The following GHR variants were observed in gnomAD, a reference collection of about 807,000 sequenced individuals.
GHR encodes the protein growth hormone receptor, also known as GH receptor.
Under a neutral mutation model 67.1 loss-of-function variants are expected in GHR, and 35 were observed. The ratio of observed to expected loss-of-function variants is 0.52; its 90% CI spans 0.40 to 0.69. The LOEUF is 0.69. Among genes scored for constraint, GHR ranks in the 30% least tolerant of loss-of-function variants. The probability of loss-of-function intolerance (pLI) is 0.00; values close to 1 mark genes in which losing one functional copy is unlikely to be tolerated. For synonymous variants in GHR, 272 were observed against 269.1 expected (o/e 1.01, Z -0.10); for missense variants, 792 against 764.6 (o/e 1.04, Z -0.42).
chr5:42,444,854 A>G (rs751791548), intron 1 of GHR, among the ~76,000 whole-genome samples: 20 of 152,006 alleles, frequency 1.3e-4, no homozygotes, highest in Non-Finnish European at 2.5e-4. Context: ...TCCAGCTACA[A>G]ATTCCTCTTT....
intron 1 of GHR, among the ~76,000 whole-genome samples, chr5:42,440,311 G>T (rs1381444883): frequency 6.6e-6 from 1 of 152,116 alleles, no homozygotes; most frequent in Non-Finnish European, 1.5e-5. Flanking sequence ...ACTCAGGTTG[G>T]TATATTTGAT....
intron 1 of GHR, among the ~76,000 whole-genome samples, chr5:42,461,739 A>G (rs1275850351): frequency 6.6e-6 from 1 of 152,226 alleles, no homozygotes; most frequent in Non-Finnish European, 1.5e-5. Flanking sequence ...CCTCCAGCAC[A>G]GAATGTCTCT....
At chr5:42,585,882 G>C (rs1421029157) in intron 2 of GHR, among the ~76,000 whole-genome samples, 1 of 152,130 alleles carries the variant, frequency 6.6e-6, no homozygotes, top group Non-Finnish European at 1.5e-5. Context: ...TAAAGCTGAA[G>C]GCAGTTAAGA....
At chr5:42,462,431 TG>T (rs1312233933) in intron 1 of GHR, among the ~76,000 whole-genome samples, 1 of 152,226 alleles carries the variant, frequency 6.6e-6, no homozygotes, top group Non-Finnish European at 1.5e-5. Flanking sequence ...CAAAAAGAGT[TG>T]CAAGGGGAAA....
chr5:42,686,096 T>A (rs887198797), intron 3 of GHR, among the ~76,000 whole-genome samples: 1 of 152,240 alleles, frequency 6.6e-6, no homozygotes. Flanking sequence ...AAGTCTTTAA[T>A]CCATCTTGAG....
At chr5:42,463,479 A>T (rs1744574290) in intron 1 of GHR, among the ~76,000 whole-genome samples, 1 of 152,236 alleles carries the variant, frequency 6.6e-6, no homozygotes, top group African/African-American at 2.4e-5. Context: ...GTTAAATCTG[A>T]GAACTATTTT....
intron 1 of GHR, among the ~76,000 whole-genome samples, chr5:42,510,526 A>C (rs1746966354): frequency 6.6e-6 from 1 of 152,230 alleles, no homozygotes; most frequent in Non-Finnish European, 1.5e-5. Flanking sequence ...TTTGAAAAAT[A>C]ACAGGTCTTA....
intron 2 of GHR, among the ~76,000 whole-genome samples, chr5:42,612,393 T>C (rs35893798): frequency 0.23 from 35,401 of 152,028 alleles, 4,876 homozygotes; most frequent in African/African-American, 0.37. Flanking sequence ...AATTAAGTTT[T>C]AGGAAGAAAA....
At chr5:42,467,859 T>A in intron 1 of GHR, 2 of 935,174 alleles carry the variant, frequency 2.1e-6, no homozygotes, top group Non-Finnish European at 1.7e-6. Context: ...GAATTAAGGC[T>A]GTATTTTCCC....
chr5:42,467,400 G>A, intron 1 of GHR: 1 of 927,152 alleles, frequency 1.1e-6, no homozygotes, highest in Non-Finnish European at 1.8e-6. Context: ...TCTCCCCAGT[G>A]TGGATCCTCT....
At chr5:42,658,220 T>TA in intron 3 of GHR, among the ~76,000 whole-genome samples, 1 of 152,118 alleles carries the variant, frequency 6.6e-6, no homozygotes, top group East Asian at 1.9e-4. Context: ...AACCTTACCA[T>TA]AAAAAGAAAA....
intron 1 of GHR, among the ~76,000 whole-genome samples, chr5:42,549,403 G>A (rs1458502549): frequency 1.3e-5 from 2 of 152,216 alleles, no homozygotes; most frequent in Admixed American, 6.5e-5. Context: ...AGCCACAGGA[G>A]AGAGATGACA....
chr5:42,531,094 C>A (rs1320018320), intron 1 of GHR, among the ~76,000 whole-genome samples: 1 of 151,828 alleles, frequency 6.6e-6, no homozygotes, highest in Non-Finnish European at 1.5e-5. Flanking sequence ...ACAGTGAAAC[C>A]CCATCTCTAC....
intron 2 of GHR, among the ~76,000 whole-genome samples, chr5:42,584,221 A>G (rs1751352984): frequency 1.3e-5 from 2 of 152,106 alleles, no homozygotes; most frequent in South Asian, 2.1e-4. Flanking sequence ...TTGCATGGTA[A>G]ATGTTATTAA....
intron 1 of GHR, among the ~76,000 whole-genome samples, chr5:42,542,267 G>A (rs190105204): frequency 1.4e-3 from 219 of 152,256 alleles, no homozygotes; most frequent in African/African-American, 4.8e-3. Flanking sequence ...GAGAAGTGGG[G>A]AGTGATCCAT....
At chr5:42,505,458 AAAAAT>A (rs1402755078) in intron 1 of GHR, among the ~76,000 whole-genome samples, 1 of 152,138 alleles carries the variant, frequency 6.6e-6, no homozygotes, top group African/African-American at 2.4e-5. Flanking sequence ...GTTCAAAAAA[AAAAAT>A]AGGTAACATT....
intron 3 of GHR, among the ~76,000 whole-genome samples, chr5:42,668,167 G>T (rs1251109968): frequency 1.3e-5 from 2 of 152,062 alleles, no homozygotes; most frequent in African/African-American, 4.8e-5. Context: ...ATATCCAAAA[G>T]ACTTAAAAAT....
rs1748449967 is a variant in GHR at position 42,540,316 on chromosome 5, C to A, written c.-11-25548C>A. Among the ~76,000 whole-genome samples, 6 of 151,294 alleles carry A rather than the reference C, an allele frequency of 4.0e-5. No homozygotes were observed. The South Asian group carries it at 1.3e-3, about 32-fold the overall frequency. On this transcript the variant is annotated intron_variant, in intron 1 of 9. Coordinates refer to ENST00000230882, the MANE Select transcript of GHR (RefSeq NM_000163.5). Reference sequence around the variant, plus strand: ...TAGTTATTGATTTTCAGAAATATTTCTTTGAGAAGCTAAAAATGCAAAGGT... The same window carrying A: ...TAGTTATTGATTTTCAGAAATATTTATTTGAGAAGCTAAAAATGCAAAGGT...
chr5:42,427,938 C>T (rs1561297324), intron 1 of GHR, among the ~76,000 whole-genome samples: 1 of 152,218 alleles, frequency 6.6e-6, no homozygotes, highest in Admixed American at 6.5e-5. Flanking sequence ...CTGGCATTGA[C>T]TGTGGCTTTT....
Sources: gnomAD v4.1 joint callset for allele counts (sites outside exome capture counted in the v4.1 genomes callset) on GRCh38, gnomAD v4.1.1 for gene constraint, MANE v1.5 for transcripts, NCBI Gene and HGNC (gene_info 2026-07-23, HGNC 2026-07-21) for gene names.